GALNT5: variants seen among roughly 807,000 people sequenced by gnomAD.
GALNT5 encodes the protein polypeptide N-acetylgalactosaminyltransferase 5.
Under a neutral mutation model 85.4 loss-of-function variants are expected in GALNT5, and 72 were observed. That is an observed-to-expected ratio of 0.84 (90% CI 0.70 to 1.03). The LOEUF is 1.03. Among genes scored for constraint, GALNT5 ranks in the 50% least tolerant of loss-of-function variants. The pLI is 0.00. For synonymous variants in GALNT5, 404 were observed against 397.0 expected, an observed-to-expected ratio of 1.02 and a Z score of -0.21; for missense variants, 1,137 against 1,135.5, an observed-to-expected ratio of 1.00 and a Z score of -0.02.
intron 4 of GALNT5, 74 bp downstream of exon 4, chr2:157,295,872 T>C: frequency 2.8e-6 from 3 of 1,052,824 alleles, no homozygotes; most frequent in Non-Finnish European, 4.2e-6. Flanking sequence ...GCTGAGTATA[T>C]GCCTAATATG....
intron 4 of GALNT5, 135 bp downstream of exon 4, chr2:157,295,933 G>A (rs1371488048): frequency 1.6e-5 from 10 of 629,674 alleles, no homozygotes; most frequent in Non-Finnish European, 2.7e-5. Context: ...TTAAATAAAT[G>A]GAAAAACATG....
In GALNT5 at chr2:157,315,786, G is replaced by A. The variant is rs1354823442; in HGVS notation, c.*4438G>A. On this transcript the variant is annotated 3_prime_UTR_variant, in exon 10 of 10. Transcript: ENST00000259056. Reference sequence around the variant, plus strand: ...TCCATTTTCTGGGGAAATACCCATGGTTCATTGTCTGATGCCAAGAAAGAA... The same window carrying A: ...TCCATTTTCTGGGGAAATACCCATGATTCATTGTCTGATGCCAAGAAAGAA... Among the ~76,000 whole-genome samples the A allele has an allele frequency of 6.6e-6, 1 of 152,122 alleles. No homozygotes were observed. The highest frequency in any genetic ancestry group is 1.5e-5 in the Non-Finnish European group (1 of 68,018).
chr2:157,264,401 A>G (rs1682414365), intron 1 of GALNT5, among the ~76,000 whole-genome samples: 1 of 152,198 alleles, frequency 6.6e-6, no homozygotes, highest in Non-Finnish European at 1.5e-5. Context: ...TTAAAGTACA[A>G]TAAGAATTCT....
At chr2:157,284,114 A>T (rs1682914585) in intron 1 of GALNT5, among the ~76,000 whole-genome samples, 168 bp from the exon 2 acceptor site, 1 of 152,226 alleles carries the variant, frequency 6.6e-6, no homozygotes, top group South Asian at 2.1e-4. Context: ...CACATGATAA[A>T]TAATAAAATC....
At chr2:157,266,777 T>A (rs1367877252) in intron 1 of GALNT5, among the ~76,000 whole-genome samples, 1 of 152,228 alleles carries the variant, frequency 6.6e-6, no homozygotes, top group East Asian at 1.9e-4. Context: ...TTTCCACAGG[T>A]GACAGCTTTT....
chr2:157,298,834 C>T (rs753223308), intron 5 of GALNT5: 6 of 152,412 alleles, frequency 3.9e-5, no homozygotes, highest in Non-Finnish European at 7.3e-5. Flanking sequence ...CCCAAGGTGT[C>T]TACTGTCCTT....
Position 157,296,435 on chromosome 2 carries a change from G to A in GALNT5, c.1919G>A (p.Trp640Ter). 6.2e-7 allele frequency: 1 copy of A among 1,609,072 alleles called. No individual in the cohort carries two copies. Among genetic ancestry groups the A allele is most frequent in the Admixed American group, 1.7e-5 (1 of 60,014 alleles). Residue 640 changes from tryptophan (W) to a stop codon, truncating the protein, a stop_gained, in exon 5 of 10, where the codon TGG (tryptophan) becomes TAG (stop). Coordinates refer to ENST00000259056, the MANE Select transcript of GALNT5 (RefSeq NM_014568.3). LOFTEE classifies it high-confidence loss of function. ...AACTTTCAAAGAGGCATCTTTGTGT[G>A]GCCCATGAACTTTGGTTGGAGAACA... ...VDNFQRGIFV[W>*]PMNFGWRTIP...
intron 7 of GALNT5, among the ~76,000 whole-genome samples, chr2:157,304,447 C>A (rs1365568644): frequency 6.6e-6 from 1 of 152,194 alleles, no homozygotes; most frequent in Non-Finnish European, 1.5e-5. Flanking sequence ...TGGTTCCTAT[C>A]CAAGGCAGGT....
chr2:157,273,217 C>T (rs1682630829), intron 1 of GALNT5, among the ~76,000 whole-genome samples: 1 of 152,132 alleles, frequency 6.6e-6, no homozygotes, highest in Admixed American at 6.6e-5. Flanking sequence ...GAATTAGAAT[C>T]TTATTTTGGA....
At chr2:157,285,491 A>G (rs996327555) in intron 2 of GALNT5, among the ~76,000 whole-genome samples, 1 of 152,196 alleles carries the variant, frequency 6.6e-6, no homozygotes, top group African/African-American at 2.4e-5. Context: ...TCACATAAAC[A>G]TAGCTCATAA....
At chr2:157,294,823 C>T (rs1035751875) in intron 3 of GALNT5, among the ~76,000 whole-genome samples, 3 of 138,368 alleles carry the variant, frequency 2.2e-5, no homozygotes, top group African/African-American at 8.2e-5. Context: ...CACACACACA[C>T]TTCACTTGTA....
intron 9 of GALNT5, among the ~76,000 whole-genome samples, chr2:157,309,651 C>A (rs1374193541): frequency 6.6e-6 from 1 of 152,164 alleles, no homozygotes; most frequent in Non-Finnish European, 1.5e-5. Flanking sequence ...CCTTTGCTTC[C>A]TTTAGGTGCC....
intron 3 of GALNT5, among the ~76,000 whole-genome samples, chr2:157,293,273 C>T (rs1286019373): frequency 3.3e-5 from 5 of 152,168 alleles, no homozygotes; most frequent in African/African-American, 9.7e-5. Flanking sequence ...CTAGCAGATT[C>T]GGTGTCTAGT....
intron 7 of GALNT5, among the ~76,000 whole-genome samples, chr2:157,305,167 C>T (rs1014661546): frequency 6.6e-6 from 1 of 152,100 alleles, no homozygotes; most frequent in Admixed American, 6.5e-5. Flanking sequence ...CATTAAAAAC[C>T]TGGGGGCCTG....
At chr2:157,310,344 C>A (rs1435546982) in intron 9 of GALNT5, among the ~76,000 whole-genome samples, 2 of 152,054 alleles carry the variant, frequency 1.3e-5, no homozygotes, top group Non-Finnish European at 2.9e-5. Flanking sequence ...GCTACTAGGT[C>A]TCCCATTATA....
In GALNT5 at chr2:157,317,916, T is replaced by C. The variant is rs1683752827; in HGVS notation, c.*6568T>C. Reference sequence around the variant, plus strand: ...CATTTTCATTGTCTTTAAACAATACTGAGTTTTGAAGTTAAGTAGAATATT... The same window carrying C: ...CATTTTCATTGTCTTTAAACAATACCGAGTTTTGAAGTTAAGTAGAATATT... On this transcript the variant is annotated 3_prime_UTR_variant, in exon 10 of 10. Transcript: ENST00000259056. Among the ~76,000 whole-genome samples, 1 of 152,152 alleles carries C rather than the reference T, an allele frequency of 6.6e-6. No homozygotes were observed. Among genetic ancestry groups the C allele is most frequent in the Non-Finnish European group, 1.5e-5 (1 of 67,992 alleles).
intron 8 of GALNT5, among the ~76,000 whole-genome samples, chr2:157,306,559 T>C (rs1683459552): frequency 6.6e-6 from 1 of 152,212 alleles, no homozygotes; most frequent in Non-Finnish European, 1.5e-5. Flanking sequence ...AGTTCTGTGT[T>C]TGTGGAAACA....
intron 5 of GALNT5, chr2:157,299,204 A>C (rs910581920): frequency 6.3e-6 from 1 of 159,036 alleles, no homozygotes; most frequent in East Asian, 1.8e-4. Context: ...TTTTTTGTGA[A>C]GTCTGGGCTG....
rs151117780 is a variant in GALNT5, at chr2:157,275,268, C to T, written c.1455-9014C>T. ...AGTTTGAAGTCAGGTAGCGTGATGC[C>T]GCCAGCTTTGTTCTTTTCGCTTGGG... is the stretch of plus-strand genomic sequence containing the variant. On this transcript the variant is annotated intron_variant, in intron 1 of 9. Transcript: ENST00000259056. Among the ~76,000 whole-genome samples the T allele has an allele frequency of 7.8e-4, 118 of 152,246 alleles. 1 individual carries two copies. The highest frequency in any genetic ancestry group is 1.5e-3 in the South Asian group (7 of 4,810).
Sources: allele counts gnomAD v4.1 joint callset (sites outside exome capture counted in the v4.1 genomes callset), GRCh38; gene constraint gnomAD v4.1.1; transcripts MANE v1.5; gene names NCBI Gene and HGNC (gene_info 2026-07-23, HGNC 2026-07-21).